Variants in DMD observed in about 807,000 individuals in gnomAD.
DMD encodes dystrophin, also known as mutant dystrophin.
DMD carries 63 observed loss-of-function variants against 330.1 expected under a neutral mutation model. The observed-to-expected ratio is 0.19, with a 90% CI of 0.16 to 0.24. The LOEUF (loss-of-function observed/expected upper bound fraction) is 0.24. Ranked by LOEUF, DMD falls within the 10% of genes least tolerant of loss-of-function variation. The probability of loss-of-function intolerance (pLI) is 1.00; values close to 1 mark genes in which losing one functional copy is unlikely to be tolerated. For missense variants in DMD, 3,344 were observed against 2,684.1 expected (o/e 1.25, Z -5.43); for synonymous variants, 1,223 against 959.8 (o/e 1.27, Z -5.07).
intron 55 of DMD, among the ~76,000 whole-genome samples, chrX:31,583,727 C>G (rs2148052680): frequency 9.4e-6 from 1 of 106,713 alleles, no homozygotes; most frequent in African/African-American, 3.4e-5. Flanking sequence ...GTTTGCTGCA[C>G]CTATTAACCC....
intron 63 of DMD, among the ~76,000 whole-genome samples, chrX:31,237,455 C>G (rs917898624): frequency 5.5e-4 from 62 of 112,429 alleles, no homozygotes; most frequent in African/African-American, 1.9e-3. Flanking sequence ...TTTCTGGAGA[C>G]TAGATGCTAA....
In DMD at chrX:32,583,435, G is replaced by A. The variant is rs1027756194; in HGVS notation, c.1603-9589C>T. On this transcript the variant is annotated intron_variant, in intron 13 of 78. Coordinates refer to ENST00000357033, the MANE Select transcript of DMD (RefSeq NM_004006.3). ...AATTGCTTGAACCAGGGAGGCGGATGTTGCATTGAGCTGAGATCTTGCCAC... is the reference window on the plus strand; with the variant it reads ...AATTGCTTGAACCAGGGAGGCGGATATTGCATTGAGCTGAGATCTTGCCAC... Among the ~76,000 whole-genome samples, 3 of 111,601 alleles carry A rather than the reference G, an allele frequency of 2.7e-5. No individual in the cohort carries two copies. The Admixed American group carries it at 2.9e-4, about 11-fold the overall frequency.
intron 44 of DMD, among the ~76,000 whole-genome samples, chrX:32,210,321 T>C (rs1479175032): frequency 1.8e-5 from 2 of 111,970 alleles, no homozygotes; most frequent in East Asian, 2.8e-4. Context: ...CAAAATCTTA[T>C]GAAATTTTAT....
chrX:32,690,855 T>C (rs2063227149), intron 9 of DMD, among the ~76,000 whole-genome samples: 1 of 111,316 alleles, frequency 9.0e-6, no homozygotes, highest in Non-Finnish European at 1.9e-5. Flanking sequence ...ACGGATAAAA[T>C]ATGTAAATGT....
At chrX:32,852,728 T>C (rs999304798) in intron 2 of DMD, among the ~76,000 whole-genome samples, 8 of 110,717 alleles carry the variant, frequency 7.2e-5, no homozygotes, top group African/African-American at 2.6e-4. Flanking sequence ...TCTTGGGCCT[T>C]GAGTGAACAT....
At chrX:32,812,304 A>G (rs1248374142) in intron 6 of DMD, among the ~76,000 whole-genome samples, 1 of 112,369 alleles carries the variant, frequency 8.9e-6, no homozygotes. Flanking sequence ...AAAAAAAGTT[A>G]CAAAGGTAGT....
At chrX:32,707,950 G>A (rs1017940455) in intron 7 of DMD, among the ~76,000 whole-genome samples, 3 of 111,938 alleles carry the variant, frequency 2.7e-5, no homozygotes, top group East Asian at 5.6e-4. Flanking sequence ...TGCGGTTTTC[G>A]TGCTTTGCTT....
intron 44 of DMD, among the ~76,000 whole-genome samples, chrX:32,118,008 TA>T (rs1243554505): frequency 3.6e-5 from 4 of 111,142 alleles, no homozygotes; most frequent in Non-Finnish European, 5.7e-5. Context: ...CTTATAACTG[TA>T]AAATCATCTA....
At chrX:33,328,743 C>T (rs962779602) in intron 1 of DMD, among the ~76,000 whole-genome samples, 10 of 111,203 alleles carry the variant, frequency 9.0e-5, no homozygotes, top group Non-Finnish European at 1.5e-4. Flanking sequence ...ACTTTTATTA[C>T]GTATCTGGCC....
At chrX:31,976,369 A>T (rs905696450) in intron 44 of DMD, among the ~76,000 whole-genome samples, 3 of 111,213 alleles carry the variant, frequency 2.7e-5, no homozygotes, top group Non-Finnish European at 5.7e-5. Context: ...AAAATTTATG[A>T]TGTGAGTTTT....
intron 76 of DMD, among the ~76,000 whole-genome samples, chrX:31,145,662 ATTT>A (rs749721258): frequency 2.3e-5 from 2 of 86,285 alleles, no homozygotes; most frequent in African/African-American, 4.6e-5. Flanking sequence ...TGGGAACTCT[ATTT>A]TTTTTTTTTT....
intron 43 of DMD, among the ~76,000 whole-genome samples, chrX:32,280,146 A>G (rs1419611123): frequency 1.4e-4 from 4 of 29,529 alleles, no homozygotes; most frequent in Admixed American, 3.5e-4. Context: ...TATATACAGT[A>G]TATATATATA....
intron 7 of DMD, among the ~76,000 whole-genome samples, chrX:32,797,640 G>T (rs1022026985): frequency 4.5e-5 from 5 of 111,714 alleles, no homozygotes; most frequent in Non-Finnish European, 9.4e-5. Flanking sequence ...TGAACTCATT[G>T]TGATGATATG....
At chrX:32,950,600 T>C (rs981614693) in intron 2 of DMD, among the ~76,000 whole-genome samples, 2 of 111,536 alleles carry the variant, frequency 1.8e-5, no homozygotes, top group African/African-American at 6.5e-5. Flanking sequence ...GGTTAGAACA[T>C]AGACTCAGAG....
chrX:32,800,903 G>A (rs1603428879), intron 7 of DMD, among the ~76,000 whole-genome samples: 1 of 111,690 alleles, frequency 9.0e-6, no homozygotes, highest in South Asian at 3.7e-4. Flanking sequence ...TTGCTGCATA[G>A]TATTCCATGG....
At chrX:32,421,440 C>A (rs1364255391) in intron 29 of DMD, among the ~76,000 whole-genome samples, 2 of 109,713 alleles carry the variant, frequency 1.8e-5, no homozygotes, top group Non-Finnish European at 3.8e-5. Flanking sequence ...GTGTATGGAA[C>A]AGCTGCTTTT....
At chrX:32,784,489 G>C (rs1475803297) in intron 7 of DMD, among the ~76,000 whole-genome samples, 1 of 111,616 alleles carries the variant, frequency 9.0e-6, no homozygotes, top group African/African-American at 3.3e-5. Flanking sequence ...AATAAATCCA[G>C]AACTTTTTAT....
intron 44 of DMD, among the ~76,000 whole-genome samples, chrX:32,152,443 T>C: frequency 9.0e-6 from 1 of 111,677 alleles, no homozygotes; most frequent in Non-Finnish European, 1.9e-5. Context: ...AGATAAGAGA[T>C]GCTCAAGGGT....
At position 33,263,602 on chromosome X, in the gene DMD, A is replaced by G. The variant is rs745536136; in HGVS notation, c.7+75657T>C. ...TTATATATTGTTCTTTAGCCCCTTA[A>G]GCAAATCATCAGACTTAAGGGCACC... is the stretch of plus-strand genomic sequence containing the variant. On this transcript the variant is annotated intron_variant, in intron 1 of 17. Coordinates refer to the DMD transcript ENST00000288447. Among the ~76,000 whole-genome samples the G allele has an allele frequency of 1.2e-3, 127 of 109,437 alleles. 1 individual carries two copies. Among genetic ancestry groups the G allele is most frequent in the South Asian group, 5.0e-3 (13 of 2,604 alleles).
Sources: gnomAD v4.1 joint callset for allele counts (sites outside exome capture counted in the v4.1 genomes callset) on GRCh38, gnomAD v4.1.1 for gene constraint, MANE v1.5 for transcripts, NCBI Gene and HGNC (gene_info 2026-07-23, HGNC 2026-07-21) for gene names.